Variants in RBFOX1 observed in about 807,000 individuals in gnomAD.
RBFOX1 encodes RNA binding protein fox-1 homolog 1.
Under a neutral mutation model 57.7 loss-of-function variants are expected in RBFOX1, and 8 were observed. The ratio of observed to expected loss-of-function variants is 0.14; its 90% CI spans 0.08 to 0.25. The LOEUF is 0.25. RBFOX1 is among the 10% of genes least tolerant of loss of function. The probability of loss-of-function intolerance (pLI) is 1.00; values close to 1 mark genes in which losing one functional copy is unlikely to be tolerated. For missense variants in RBFOX1, 611 were observed against 548.5 expected (o/e 1.11, Z -1.14); for synonymous variants, 326 against 222.4 (o/e 1.47, Z -4.15).
At chr16:6,597,252 C>T (rs1210835916) in intron 2 of RBFOX1, among the ~76,000 whole-genome samples, 3 of 152,248 alleles carry the variant, frequency 2.0e-5, no homozygotes, top group Non-Finnish European at 1.5e-5. Context: ...TGCGTATTCA[C>T]CTAGACTTTG....
intron 2 of RBFOX1, among the ~76,000 whole-genome samples, chr16:6,409,019 C>G (rs1320185868): frequency 1.3e-5 from 2 of 152,132 alleles, no homozygotes; most frequent in East Asian, 3.8e-4. Context: ...TACTTAAAGC[C>G]TAACACATAT....
chr16:5,680,718 C>T (rs544605006), intron 3 of RBFOX1, among the ~76,000 whole-genome samples: 3 of 152,154 alleles, frequency 2.0e-5, no homozygotes, highest in African/African-American at 7.2e-5. Context: ...CCAGCAAAGG[C>T]ACTAAAAACA....
chr16:5,644,282 T>C (rs1596563310), intron 3 of RBFOX1, among the ~76,000 whole-genome samples: 2 of 152,192 alleles, frequency 1.3e-5, no homozygotes, highest in South Asian at 2.1e-4. Context: ...ATGCAATTTA[T>C]GTGTAGTAAA....
intron 2 of RBFOX1, among the ~76,000 whole-genome samples, chr16:6,562,145 T>C (rs2097187405): frequency 6.6e-6 from 1 of 152,210 alleles, no homozygotes. Context: ...TCAAGATAGT[T>C]CATGGGTAAG....
At chr16:6,829,502 A>T (rs994569651) in intron 3 of RBFOX1, among the ~76,000 whole-genome samples, 4 of 152,008 alleles carry the variant, frequency 2.6e-5, no homozygotes, top group African/African-American at 9.7e-5. Context: ...AAAACAAAAA[A>T]ACGTTAACTT....
chr16:5,567,783 ATTAGG>A (rs2046126417), intron 2 of RBFOX1, among the ~76,000 whole-genome samples: 1 of 152,024 alleles, frequency 6.6e-6, no homozygotes, highest in Non-Finnish European at 1.5e-5. Context: ...ACCTATACTG[ATTAGG>A]TTGATGGGCC....
chr16:7,435,480 C>G (rs2098714326), intron 4 of RBFOX1, among the ~76,000 whole-genome samples: 1 of 152,158 alleles, frequency 6.6e-6, no homozygotes, highest in African/African-American at 2.4e-5. Flanking sequence ...ATACTGTGCT[C>G]TTTGGAAGGA....
chr16:5,768,921 T>C (rs1319168108), intron 3 of RBFOX1, among the ~76,000 whole-genome samples: 8 of 152,018 alleles, frequency 5.3e-5, no homozygotes, highest in African/African-American at 1.7e-4. Context: ...ATTTAAGTGG[T>C]TTAGATTATC....
intron 4 of RBFOX1, among the ~76,000 whole-genome samples, chr16:7,249,198 A>T (rs970218355): frequency 6.6e-6 from 1 of 152,184 alleles, no homozygotes; most frequent in African/African-American, 2.4e-5. Context: ...AGTTGACTAC[A>T]TTTTTAAATG....
rs144221445 is a variant in RBFOX1 at position 6,493,966 on chromosome 16, G to T, written c.-63-160637G>T. Among the ~76,000 whole-genome samples, 125 of 152,294 alleles carry T rather than the reference G, an allele frequency of 8.2e-4. 2 individuals are homozygous for T. In the East Asian group the frequency reaches 0.022, roughly 27 times the overall value. On this transcript the variant is annotated intron_variant, in intron 2 of 15. Transcript: ENST00000550418. ...GATTTTTAATGAGTGATATTTTCCTGTATACCAGAAGATACAGAGAGAAGG... is the reference window on the plus strand; with the variant it reads ...GATTTTTAATGAGTGATATTTTCCTTTATACCAGAAGATACAGAGAGAAGG...
chr16:7,252,496 T>G (rs1422067571), intron 4 of RBFOX1, among the ~76,000 whole-genome samples: 1 of 152,204 alleles, frequency 6.6e-6, no homozygotes, highest in Non-Finnish European at 1.5e-5. Flanking sequence ...CTGGAAATTT[T>G]GCACAGATCT....
At chr16:7,263,300 A>G (rs2153078002) in intron 4 of RBFOX1, among the ~76,000 whole-genome samples, 1 of 152,204 alleles carries the variant, frequency 6.6e-6, no homozygotes, top group East Asian at 1.9e-4. Context: ...GCTTTGAAAG[A>G]CCTGTTTGGC....
intron 1 of RBFOX1, among the ~76,000 whole-genome samples, chr16:6,172,636 C>G (rs2152769021): frequency 6.6e-6 from 1 of 152,308 alleles, no homozygotes; most frequent in African/African-American, 2.4e-5. Flanking sequence ...CTGGATTATT[C>G]AATGTAGAAA....
intron 4 of RBFOX1, among the ~76,000 whole-genome samples, chr16:7,426,549 A>C (rs2098615597): frequency 6.6e-6 from 1 of 152,184 alleles, no homozygotes; most frequent in African/African-American, 2.4e-5. Flanking sequence ...GGAGAGGGAG[A>C]AAGCATGTTG....
intron 2 of RBFOX1, among the ~76,000 whole-genome samples, chr16:5,564,853 A>C (rs1309039229): frequency 1.3e-5 from 2 of 152,140 alleles, no homozygotes; most frequent in Non-Finnish European, 2.9e-5. Context: ...GTGGCTGGGC[A>C]TCTCACCTCT....
At chr16:5,863,183 A>C (rs1029757135) in intron 3 of RBFOX1, among the ~76,000 whole-genome samples, 3 of 152,200 alleles carry the variant, frequency 2.0e-5, no homozygotes, top group Non-Finnish European at 4.4e-5. Context: ...TGAGAAGGAA[A>C]CCCTTAATGT....
chr16:6,989,988 C>G (rs1040098994), intron 3 of RBFOX1, among the ~76,000 whole-genome samples: 1 of 151,990 alleles, frequency 6.6e-6, no homozygotes, highest in Admixed American at 6.6e-5. Flanking sequence ...GTGACAAGAG[C>G]GAGACTCTGT....
rs925737196 is a variant in RBFOX1, at chr16:6,888,911, C to G, written c.-15-163146C>G. ...AATTATTTTAGCATCTGAATTCATTCTCCTGCCAAGCAGATAGAAACCTTT... is the reference window on the plus strand; with the variant it reads ...AATTATTTTAGCATCTGAATTCATTGTCCTGCCAAGCAGATAGAAACCTTT... On this transcript the variant is annotated intron_variant, in intron 3 of 15. Coordinates refer to ENST00000550418, the MANE Select transcript of RBFOX1 (RefSeq NM_018723.4). Among the ~76,000 whole-genome samples the G allele has an allele frequency of 9.2e-5, 14 of 152,280 alleles. 2 individuals carry two copies. Among genetic ancestry groups the G allele is most frequent in the East Asian group, 3.9e-4 (2 of 5,168 alleles).
At chr16:5,418,129 C>T (rs1567478472) in intron 1 of RBFOX1, among the ~76,000 whole-genome samples, 1 of 152,182 alleles carries the variant, frequency 6.6e-6, no homozygotes, top group Non-Finnish European at 1.5e-5. Flanking sequence ...CAGAAATGTC[C>T]TTGAATGTGC....
Sources: allele counts gnomAD v4.1 joint callset (sites outside exome capture counted in the v4.1 genomes callset), GRCh38; gene constraint gnomAD v4.1.1; transcripts MANE v1.5; gene names NCBI Gene and HGNC (gene_info 2026-07-23, HGNC 2026-07-21).